TMEM116: variants seen among roughly 807,000 people sequenced by gnomAD.
TMEM116 encodes the protein transmembrane protein 116.
Under a neutral mutation model 44.3 loss-of-function variants are expected in TMEM116, and 38 were observed. The ratio of observed to expected loss-of-function variants is 0.86; its 90% CI spans 0.66 to 1.12. The LOEUF (loss-of-function observed/expected upper bound fraction) is 1.12, where lower values mean the gene tolerates loss of function less well. TMEM116 is among the 50% of genes most tolerant of loss of function. The pLI, the probability that TMEM116 is intolerant of heterozygous loss-of-function variation, is 0.00. For missense variants in TMEM116, 354 were observed against 401.7 expected, an observed-to-expected ratio of 0.88 and a Z score of 1.01; for synonymous variants, 132 against 144.8, an observed-to-expected ratio of 0.91 and a Z score of 0.64.
intron 4 of TMEM116, among the ~76,000 whole-genome samples, chr12:111,972,611 G>C (rs1271483616): frequency 6.6e-6 from 1 of 152,174 alleles, no homozygotes; most frequent in Non-Finnish European, 1.5e-5. Context: ...GGGTGTGGTG[G>C]CTCATGCCTA....
At chr12:111,958,450 T>C (rs1271679404) in intron 4 of TMEM116, among the ~76,000 whole-genome samples, 1 of 151,874 alleles carries the variant, frequency 6.6e-6, no homozygotes, top group African/African-American at 2.4e-5. Flanking sequence ...CTCCAAAGGA[T>C]CACAACTCCT....
rs1395797618 is a variant in TMEM116 at position 112,002,232 on chromosome 12, GC to G, written c.78+1567del. ...AATCCCAGCACTTTGGGAGGTCCAG[GC>G]AGGTGGATCAGGAGATCAGGAGTTC... is the stretch of plus-strand genomic sequence containing the variant. On this transcript the variant is annotated intron_variant, in intron 3 of 10. Transcript: ENST00000552374. Among the ~76,000 whole-genome samples, 4 of 151,988 alleles carry G rather than the reference GC, an allele frequency of 2.6e-5. No homozygotes were observed. The South Asian group carries it at 6.2e-4, about 24-fold the overall frequency.
At chr12:112,003,933 T>C in intron 2 of TMEM116, 70 bp from the exon 3 acceptor site, 1 of 1,422,380 alleles carries the variant, frequency 7.0e-7, no homozygotes, top group South Asian at 1.5e-5. Context: ...GTTATTAATT[T>C]TGGGTTTTTT....
intron 1 of TMEM116, chr12:112,005,765 A>G: frequency 1.0e-6 from 1 of 954,116 alleles, no homozygotes; most frequent in Non-Finnish European, 1.2e-6. Flanking sequence ...GTGTGGAAAG[A>G]ATAGGTAACA....
intron 2 of TMEM116, among the ~76,000 whole-genome samples, chr12:112,004,677 T>A (rs572738895): frequency 9.2e-5 from 14 of 152,070 alleles, no homozygotes; most frequent in Non-Finnish European, 2.9e-5. Flanking sequence ...TTAATTTTTT[T>A]TGAGATAGGG....
At chr12:111,966,133 C>G (rs2074966208) in intron 4 of TMEM116, among the ~76,000 whole-genome samples, 1 of 152,096 alleles carries the variant, frequency 6.6e-6, no homozygotes, top group Non-Finnish European at 1.5e-5. Context: ...TGGCAAAACC[C>G]TATCTCCACT....
chr12:111,993,084 G>A lies in TMEM116; in HGVS notation c.79-1195C>T, dbSNP rs79684410. ...CGATGGCCTCACGGACCTCCACAGC[G>A]GTCCCACAAGACCCGCAAGGCCCCC... On this transcript the variant is annotated intron_variant, in intron 3 of 10. Transcript: ENST00000552374. 6.0e-3 allele frequency: 1,173 copies of A among 195,138 alleles called. 15 individuals are homozygous for A. Among genetic ancestry groups the A allele is most frequent in the African/African-American group, 0.026 (1,107 of 42,190 alleles). 12.1% of individuals were successfully genotyped at this position (195,138 alleles called of 1,614,324 possible). A position where few individuals can be genotyped will look rare whatever the true frequency, so the allele number is the denominator to read the frequency against.
chr12:111,932,681 A>T, intron 9 of TMEM116, 22 bp from the exon 10 acceptor site: 1 of 1,605,926 alleles, frequency 6.2e-7, no homozygotes, highest in Non-Finnish European at 8.5e-7. Context: ...CAAAGTGTAA[A>T]CCTTCTTGTC....
intron 9 of TMEM116, among the ~76,000 whole-genome samples, chr12:111,933,540 G>C (rs2071844974): frequency 6.7e-6 from 1 of 148,314 alleles, no homozygotes; most frequent in East Asian, 2.0e-4. Flanking sequence ...CCAGGCTGGA[G>C]TGCAGTGGTG....
At chr12:111,934,051 G>C in intron 8 of TMEM116, 21 bp from the exon 9 acceptor site, 1 of 1,611,900 alleles carries the variant, frequency 6.2e-7, no homozygotes, top group South Asian at 1.1e-5. Context: ...GTACAGCAGT[G>C]AGCAGTTTGC....
chr12:111,933,957 C>T lies in TMEM116; in HGVS notation c.662G>A (p.Trp221Ter). 1 of 1,614,156 alleles carries T rather than the reference C, an allele frequency of 6.2e-7. No homozygotes were observed. Among genetic ancestry groups the T allele is most frequent in the Non-Finnish European group, 8.5e-7 (1 of 1,180,044 alleles). ...KSTGFLGSEQWAVIHIVDQRV... is the reference protein window; with the variant it reads ...KSTGFLGSEQ Reference sequence around the variant, plus strand: ...TTGGTCCACAATGTGAATCACTGCCCACTGTTCACTCCCCAGAAAGCCAGT... The same window carrying T: ...TTGGTCCACAATGTGAATCACTGCCTACTGTTCACTCCCCAGAAAGCCAGT... Residue 221 changes from tryptophan (W) to a stop codon, truncating the protein, a stop_gained, in exon 9 of 11, where the codon TGG (tryptophan) becomes TAG (stop). Coordinates refer to ENST00000552374, the MANE Select transcript of TMEM116 (RefSeq NM_001193531.2). LOFTEE classifies it high-confidence loss of function.
chr12:111,961,367 A>C (rs913761559), intron 4 of TMEM116, among the ~76,000 whole-genome samples: 7 of 152,228 alleles, frequency 4.6e-5, no homozygotes, highest in African/African-American at 1.7e-4. Context: ...GCAGAGACAC[A>C]ACAAAAAAAG....
chr12:111,996,618 G>T (rs184308605), intron 3 of TMEM116, among the ~76,000 whole-genome samples: 140 of 152,198 alleles, frequency 9.2e-4, no homozygotes, highest in Middle Eastern at 6.8e-3. Context: ...TAATTTAGGG[G>T]CAGTGGAAAT....
intron 9 of TMEM116, among the ~76,000 whole-genome samples, 158 bp downstream of exon 9, chr12:111,933,728 C>T (rs1277484552): frequency 1.3e-5 from 2 of 151,178 alleles, no homozygotes; most frequent in Non-Finnish European, 2.9e-5. Context: ...GATCTCCTGA[C>T]CTCGTGATCC....
chr12:111,941,821 A>G (rs754336864), intron 5 of TMEM116, among the ~76,000 whole-genome samples: 6 of 152,218 alleles, frequency 3.9e-5, no homozygotes, highest in Non-Finnish European at 7.3e-5. Context: ...CAACATAAAA[A>G]AGTAAGAAGA....
At chr12:111,999,319 C>A (rs890234145) in intron 3 of TMEM116, among the ~76,000 whole-genome samples, 1 of 151,988 alleles carries the variant, frequency 6.6e-6, no homozygotes, top group Non-Finnish European at 1.5e-5. Flanking sequence ...GTAACTTGGC[C>A]GGGCGCGGTG....
intron 5 of TMEM116, among the ~76,000 whole-genome samples, chr12:111,942,124 G>T (rs528835508): frequency 6.6e-6 from 1 of 151,904 alleles, no homozygotes; most frequent in Non-Finnish European, 1.5e-5. Context: ...TTTTAGTAGA[G>T]ACGGGGTTTC....
At chr12:111,983,867 C>T (rs563233414) in intron 4 of TMEM116, among the ~76,000 whole-genome samples, 1 of 152,220 alleles carries the variant, frequency 6.6e-6, no homozygotes, top group Non-Finnish European at 1.5e-5. Flanking sequence ...CAGACAATGA[C>T]ACTACAAGAA....
rs142167891 is a variant in TMEM116 at position 111,988,310 on chromosome 12, T to C, written c.210+3448A>G. Among the ~76,000 whole-genome samples, 726 of 152,298 alleles carry C rather than the reference T, an allele frequency of 4.8e-3. 10 individuals are homozygous for C. The highest frequency in any genetic ancestry group is 0.016 in the African/African-American group (685 of 41,550). Reference sequence around the variant, plus strand: ...AAGTGTATACTTAAAAGAAGTAAGATTGTAAATTTTATGTTACATTTTTAT... The same window carrying C: ...AAGTGTATACTTAAAAGAAGTAAGACTGTAAATTTTATGTTACATTTTTAT... On this transcript the variant is annotated intron_variant, in intron 4 of 10. Transcript: ENST00000552374.
Sources: allele counts gnomAD v4.1 joint callset (sites outside exome capture counted in the v4.1 genomes callset), GRCh38; gene constraint gnomAD v4.1.1; transcripts MANE v1.5; gene names NCBI Gene and HGNC (gene_info 2026-07-23, HGNC 2026-07-21).